SCFD2: variants seen among roughly 807,000 people sequenced by gnomAD.
SCFD2 encodes the protein sec1 family domain containing 2.
A neutral mutation model predicts 58.9 loss-of-function variants in SCFD2; 54 were observed. The observed-to-expected ratio is 0.92, with a 90% confidence interval of 0.74 to 1.15. The LOEUF (loss-of-function observed/expected upper bound fraction) is 1.15. Among genes scored for constraint, SCFD2 ranks in the 50% most tolerant of loss-of-function variants. The pLI, the probability that SCFD2 is intolerant of heterozygous loss-of-function variation, is 0.00. For synonymous variants in SCFD2, 321 were observed against 335.9 expected (o/e 0.96, Z 0.49); for missense variants, 805 against 836.6 (o/e 0.96, Z 0.47).
At chr4:53,315,246 CA>C (rs72060767) in intron 2 of SCFD2, among the ~76,000 whole-genome samples, 24,585 of 79,500 alleles carry the variant, frequency 0.31, 1,808 homozygotes, top group Non-Finnish European at 0.36. Flanking sequence ...AGGAAAATGG[CA>C]AAAAAAAAAA....
chr4:53,177,056 CT>C (rs768542201), intron 4 of SCFD2, among the ~76,000 whole-genome samples: 1 of 152,038 alleles, frequency 6.6e-6, no homozygotes, highest in African/African-American at 2.4e-5. Context: ...TTCCTGTTCC[CT>C]TTTTGTTAGC....
At chr4:53,154,553 G>A (rs1028064132) in intron 4 of SCFD2, among the ~76,000 whole-genome samples, 24 of 152,314 alleles carry the variant, frequency 1.6e-4, no homozygotes, top group Middle Eastern at 3.4e-3. Flanking sequence ...GAGATTTGGA[G>A]GGGGCAAATA....
At chr4:52,904,544 G>A (rs932246844) in intron 7 of SCFD2, among the ~76,000 whole-genome samples, 11 of 152,288 alleles carry the variant, frequency 7.2e-5, no homozygotes, top group Non-Finnish European at 1.5e-4. Flanking sequence ...GGGCCAAGTC[G>A]CAGAGACACA....
In SCFD2 at chr4:53,172,147, C is replaced by A. The variant is rs1304757243; in HGVS notation, c.1312-26565G>T. Reference sequence around the variant, plus strand: ...GCAGCCTCCCATGTAGCTGGGACTACAGGCACGCACCACCACACCCAGCTA... The same window carrying A: ...GCAGCCTCCCATGTAGCTGGGACTAAAGGCACGCACCACCACACCCAGCTA... On this transcript the variant is annotated intron_variant, in intron 4 of 8. Coordinates refer to ENST00000401642, the MANE Select transcript of SCFD2 (RefSeq NM_152540.4). Among the ~76,000 whole-genome samples, 3 of 151,974 alleles carry A rather than the reference C, an allele frequency of 2.0e-5. No homozygotes were observed. In the East Asian group the frequency reaches 5.8e-4, roughly 29 times the overall value.
chr4:53,065,904 T>C (rs967275614), intron 5 of SCFD2, among the ~76,000 whole-genome samples: 18 of 152,134 alleles, frequency 1.2e-4, no homozygotes, highest in African/African-American at 3.6e-4. Context: ...AATGATCAAC[T>C]GAGCCCTTAA....
chr4:53,021,587 G>A (rs543912103), intron 5 of SCFD2, among the ~76,000 whole-genome samples: 21 of 152,108 alleles, frequency 1.4e-4, no homozygotes, highest in Non-Finnish European at 2.1e-4. Flanking sequence ...AATGCAATGC[G>A]GTATGCATTA....
intron 5 of SCFD2, among the ~76,000 whole-genome samples, chr4:53,016,862 A>G (rs940781236): frequency 3.3e-5 from 5 of 152,188 alleles, no homozygotes; most frequent in African/African-American, 1.2e-4. Flanking sequence ...TAATCCCAGC[A>G]CTTTGGGAGG....
At chr4:53,094,063 C>T (rs1162716909) in intron 5 of SCFD2, among the ~76,000 whole-genome samples, 1 of 152,066 alleles carries the variant, frequency 6.6e-6, no homozygotes, top group Non-Finnish European at 1.5e-5. Context: ...AGGTTTAAGA[C>T]CACTTCCAGC....
At chr4:53,267,016 G>T (rs551336715) in intron 4 of SCFD2, among the ~76,000 whole-genome samples, 1 of 152,214 alleles carries the variant, frequency 6.6e-6, no homozygotes, top group African/African-American at 2.4e-5. Flanking sequence ...TCTCTTGCTG[G>T]CTAGTTGTTA....
intron 5 of SCFD2, among the ~76,000 whole-genome samples, chr4:53,058,891 T>C (rs1316517517): frequency 2.0e-5 from 3 of 152,124 alleles, no homozygotes; most frequent in Non-Finnish European, 4.4e-5. Context: ...TGATGCAAGA[T>C]AAAACGAGCC....
chr4:53,207,754 G>A (rs1238458578), intron 4 of SCFD2, among the ~76,000 whole-genome samples: 1 of 145,310 alleles, frequency 6.9e-6, no homozygotes, highest in African/African-American at 2.6e-5. Context: ...TTAAAAGTTC[G>A]TAGCACCTCC....
intron 5 of SCFD2, among the ~76,000 whole-genome samples, chr4:52,979,717 A>C (rs1398943518): frequency 6.6e-6 from 1 of 152,188 alleles, no homozygotes; most frequent in Non-Finnish European, 1.5e-5. Context: ...CAAAATCACT[A>C]ATCTGAAATC....
chr4:53,304,355 G>A (rs187994768), intron 3 of SCFD2, among the ~76,000 whole-genome samples: 4 of 151,920 alleles, frequency 2.6e-5, no homozygotes, highest in African/African-American at 4.8e-5. Context: ...CTGTATTTCC[G>A]GAATTTGAAC....
At chr4:53,009,237 T>C (rs968999088) in intron 5 of SCFD2, among the ~76,000 whole-genome samples, 2 of 152,192 alleles carry the variant, frequency 1.3e-5, no homozygotes, top group African/African-American at 4.8e-5. Context: ...ATGGATTAAC[T>C]TCCTTCCAGG....
intron 5 of SCFD2, among the ~76,000 whole-genome samples, chr4:53,092,304 A>C (rs1577719948): frequency 6.6e-6 from 1 of 152,258 alleles, no homozygotes; most frequent in East Asian, 1.9e-4. Context: ...GTAAGAAAAA[A>C]ATTTTAGGTC....
In SCFD2 at chr4:52,873,534, T is replaced by C. The variant is rs183163451; in HGVS notation, c.*435A>G. ...TGTTCCCTCCTCAGTTATATAATCC[T>C]AAGGAACATCAAATTTTCCCCACAC... On this transcript the variant is annotated 3_prime_UTR_variant, in exon 9 of 9. Transcript: ENST00000401642. 6.1e-4 allele frequency: 99 copies of C among 161,512 alleles called. 1 individual carries two copies. Among genetic ancestry groups the C allele is most frequent in the Non-Finnish European group, 9.7e-4 (72 of 74,026 alleles). 10.0% of individuals were successfully genotyped at this position (161,512 alleles called of 1,614,324 possible).
chr4:53,102,582 G>T (rs1724860642), intron 5 of SCFD2, among the ~76,000 whole-genome samples: 2 of 151,804 alleles, frequency 1.3e-5, no homozygotes, highest in South Asian at 4.2e-4. Context: ...GACAGGAATA[G>T]AAAATACACA....
At chr4:53,247,980 G>A (rs1157381122) in intron 4 of SCFD2, among the ~76,000 whole-genome samples, 2 of 152,120 alleles carry the variant, frequency 1.3e-5, no homozygotes, top group African/African-American at 4.8e-5. Context: ...GATGCAAAAG[G>A]CAGGTGATTT....
At chr4:53,121,381 C>T (rs1331921319) in intron 5 of SCFD2, among the ~76,000 whole-genome samples, 1 of 152,174 alleles carries the variant, frequency 6.6e-6, no homozygotes, top group Non-Finnish European at 1.5e-5. Flanking sequence ...AAGAAACACA[C>T]AAACAAAATC....
Sources: gnomAD v4.1 joint callset for allele counts (sites outside exome capture counted in the v4.1 genomes callset) on GRCh38, gnomAD v4.1.1 for gene constraint, MANE v1.5 for transcripts, NCBI Gene and HGNC (gene_info 2026-07-23, HGNC 2026-07-21) for gene names.